DGKI: variants seen among roughly 807,000 people sequenced by gnomAD.
DGKI encodes the protein diacylglycerol kinase iota.
Under a neutral mutation model 147.5 loss-of-function variants are expected in DGKI, and 55 were observed. The observed-to-expected ratio is 0.37, with a 90% CI of 0.30 to 0.47. The LOEUF (loss-of-function observed/expected upper bound fraction) is 0.47. Among genes scored for constraint, DGKI ranks in the 20% least tolerant of loss-of-function variants. The probability of loss-of-function intolerance (pLI) is 1.00; values close to 1 mark genes in which losing one functional copy is unlikely to be tolerated. For synonymous variants in DGKI, 469 were observed against 477.1 expected, an observed-to-expected ratio of 0.98 and a Z score of 0.22; for missense variants, 1,007 against 1,323.8, an observed-to-expected ratio of 0.76 and a Z score of 3.71.
At chr7:137,618,626 T>G (rs1820634795) in intron 8 of DGKI, among the ~76,000 whole-genome samples, 1 of 151,346 alleles carries the variant, frequency 6.6e-6, no homozygotes, top group African/African-American at 2.4e-5. Context: ...TTACCAAATT[T>G]TAGAAAAAAA....
At chr7:137,442,762 T>C (rs1485274307) in intron 28 of DGKI, among the ~76,000 whole-genome samples, 1 of 152,228 alleles carries the variant, frequency 6.6e-6, no homozygotes, top group Non-Finnish European at 1.5e-5. Flanking sequence ...AAACTCCTTC[T>C]CCCTTTTCTT....
At chr7:137,638,468 ATATATG>A (rs1563125161) in intron 6 of DGKI, among the ~76,000 whole-genome samples, 1 of 121,478 alleles carries the variant, frequency 8.2e-6, no homozygotes, top group African/African-American at 3.5e-5. Flanking sequence ...ATATGTGTGT[ATATATG>A]TGTGTATATA....
At chr7:137,427,555 T>C (rs1023076216) in intron 28 of DGKI, among the ~76,000 whole-genome samples, 26 of 151,464 alleles carry the variant, frequency 1.7e-4, no homozygotes, top group Non-Finnish European at 2.2e-4. Context: ...AAAATCAGAG[T>C]AGAACTGAAG....
chr7:137,549,876 T>C (rs1817986832), intron 20 of DGKI, among the ~76,000 whole-genome samples: 1 of 152,234 alleles, frequency 6.6e-6, no homozygotes, highest in Non-Finnish European at 1.5e-5. Flanking sequence ...CAATTAAGGT[T>C]TAGTAAGCAA....
intron 1 of DGKI, among the ~76,000 whole-genome samples, chr7:137,820,834 A>G (rs1160442494): frequency 6.6e-6 from 1 of 152,194 alleles, no homozygotes; most frequent in Non-Finnish European, 1.5e-5. Context: ...CCAGCCTCTC[A>G]GCAAGACGCA....
At chr7:137,594,329 G>A (rs951550642) in intron 12 of DGKI, among the ~76,000 whole-genome samples, 7 of 152,142 alleles carry the variant, frequency 4.6e-5, no homozygotes, top group Admixed American at 3.3e-4. Context: ...TTATAGGCGT[G>A]AGCCACCACA....
chr7:137,579,022 T>C (rs1819084132), intron 15 of DGKI, among the ~76,000 whole-genome samples: 1 of 152,182 alleles, frequency 6.6e-6, no homozygotes, highest in South Asian at 2.1e-4. Flanking sequence ...GTTAAATTTT[T>C]AAAAATTCTC....
intron 1 of DGKI, among the ~76,000 whole-genome samples, chr7:137,692,668 T>C (rs778736097): frequency 7.9e-5 from 12 of 152,152 alleles, no homozygotes; most frequent in Non-Finnish European, 1.0e-4. Context: ...GCCACGTGTG[T>C]CTATGAAAGA....
intron 1 of DGKI, among the ~76,000 whole-genome samples, chr7:137,794,966 T>C (rs192826695): frequency 5.3e-5 from 8 of 152,306 alleles, no homozygotes; most frequent in African/African-American, 1.7e-4. Context: ...TCTATTTCCC[T>C]TTTTCTGATT....
intron 1 of DGKI, chr7:137,843,509 A>C: frequency 1.3e-6 from 1 of 776,320 alleles, no homozygotes; most frequent in Non-Finnish European, 1.6e-6. Context: ...TTCTCAAAAA[A>C]AGCCAACACA....
Position 137,463,495 on chromosome 7 carries a change from A to G in DGKI, c.2729T>C (p.Val910Ala). The G allele has an allele frequency of 6.2e-7, 1 of 1,614,032 alleles. No homozygotes were observed. The highest frequency in any genetic ancestry group is 8.5e-7 in the Non-Finnish European group (1 of 1,180,012). Reference protein sequence around the residue: ...SDLKDLSHSRVLQSPVSSEDH... With the variant: ...SDLKDLSHSRALQSPVSSEDH... ...ACAGCAAGAGAACTCTTACTGTAGC[A>G]CGCGGGAGTGGCTGAGATCTTTCAG... The change falls in exon 27 of 33, where the codon GTG (valine) becomes GCG (alanine). Residue 910 changes from valine (V) to alanine (A), a missense_variant. Around this residue, in one of 5 missense-constraint regions of DGKI, gnomAD observed 385 missense variants for 445.2 expected, o/e 0.86. Coordinates refer to ENST00000614521, the MANE Select transcript of DGKI (RefSeq NM_001321708.2).
At chr7:137,706,481 T>C (rs1273334307) in intron 1 of DGKI, among the ~76,000 whole-genome samples, 1 of 68,556 alleles carries the variant, frequency 1.5e-5, no homozygotes, top group South Asian at 8.8e-4. Flanking sequence ...AACATCCTTA[T>C]TTTATTTTAT....
At chr7:137,596,751 C>T (rs1819812205) in intron 12 of DGKI, among the ~76,000 whole-genome samples, 1 of 152,176 alleles carries the variant, frequency 6.6e-6, no homozygotes, top group Admixed American at 6.5e-5. Flanking sequence ...ATAAAAATCA[C>T]AGTTCTATTT....
At position 137,386,492 on chromosome 7, in the gene DGKI, G is replaced by A. The variant is rs1445429459; in HGVS notation, c.*4728C>T. Reference sequence around the variant, plus strand: ...TTCTATAAGATGATCAAGGTCAGTGGACATCCATGTGTCCTTTGAGTAAAA... The same window carrying A: ...TTCTATAAGATGATCAAGGTCAGTGAACATCCATGTGTCCTTTGAGTAAAA... On this transcript the variant is annotated 3_prime_UTR_variant, in exon 33 of 33. Transcript: ENST00000614521. The A allele has an allele frequency of 2.6e-5, 4 of 152,148 alleles. No homozygotes were observed. Among genetic ancestry groups the A allele is most frequent in the African/African-American group, 9.7e-5 (4 of 41,442 alleles). The allele number at this position is 152,148 out of a possible 1,614,324, so 9.4% of individuals were successfully genotyped here. A position where few individuals can be genotyped will look rare whatever the true frequency, so the allele number is the denominator to read the frequency against.
At chr7:137,623,150 A>G (rs1366484461) in intron 7 of DGKI, among the ~76,000 whole-genome samples, 1 of 152,200 alleles carries the variant, frequency 6.6e-6, no homozygotes, top group East Asian at 1.9e-4. Flanking sequence ...TCTCAACAAT[A>G]CAGAGGTACT....
intron 1 of DGKI, among the ~76,000 whole-genome samples, chr7:137,717,599 C>T (rs1227450686): frequency 6.6e-6 from 1 of 151,994 alleles, no homozygotes; most frequent in Admixed American, 6.5e-5. Flanking sequence ...TGTGTGTGTA[C>T]ATACTCATAT....
intron 27 of DGKI, among the ~76,000 whole-genome samples, chr7:137,454,234 A>G (rs1302296504): frequency 6.6e-6 from 1 of 152,226 alleles, no homozygotes; most frequent in African/African-American, 2.4e-5. Context: ...TGTTGTACAC[A>G]ATAAATATAT....
chr7:137,488,103 G>A (rs1234574663), intron 21 of DGKI, among the ~76,000 whole-genome samples: 3 of 152,082 alleles, frequency 2.0e-5, no homozygotes, highest in African/African-American at 4.8e-5. Context: ...AGTGCCGGGG[G>A]AATTAAACAT....
At chr7:137,423,961 A>G (rs1387157557) in intron 28 of DGKI, among the ~76,000 whole-genome samples, 4 of 152,138 alleles carry the variant, frequency 2.6e-5, no homozygotes, top group African/African-American at 9.7e-5. Flanking sequence ...GGTTTGCTGC[A>G]CCCACCAACC....
Sources: gnomAD v4.1 joint callset for allele counts (sites outside exome capture counted in the v4.1 genomes callset) on GRCh38, gnomAD v4.1.1 for gene constraint, gnomAD v4.1.1 regional missense constraint, MANE v1.5 for transcripts, NCBI Gene and HGNC (gene_info 2026-07-23, HGNC 2026-07-21) for gene names.